The following TBC1D4 variants were observed in gnomAD, a reference collection of about 807,000 sequenced individuals.
TBC1D4 encodes the protein TBC (Tre-2, BUB2, CDC16) domain-containing protein.
A neutral mutation model predicts 142.5 loss-of-function variants in TBC1D4; 121 were observed. The observed-to-expected ratio is 0.85, with a 90% CI of 0.73 to 0.99. The LOEUF is 0.99. TBC1D4 is among the 50% of genes least tolerant of loss of function. TBC1D4 has a pLI of 0.00. For missense variants in TBC1D4, 1,475 were observed against 1,606.6 expected, an observed-to-expected ratio of 0.92 and a Z score of 1.40; for synonymous variants, 630 against 628.2, an observed-to-expected ratio of 1.00 and a Z score of -0.04.
At chr13:75,399,709 C>T (rs4393456) in intron 1 of TBC1D4, among the ~76,000 whole-genome samples, 151,564 of 152,322 alleles carry the variant, frequency 1, 75,410 homozygotes, top group Middle Eastern at 1. Context: ...TAAATATGCA[C>T]CCATAAATTC....
chr13:75,480,897 ACACACACACG>A (rs992605547), intron 1 of TBC1D4, among the ~76,000 whole-genome samples: 4 of 125,692 alleles, frequency 3.2e-5, no homozygotes, highest in African/African-American at 5.0e-5. Context: ...ACACACACAC[ACACACACACG>A]GCAAGCAAGC....
At chr13:75,437,680 A>G (rs192457992) in intron 1 of TBC1D4, among the ~76,000 whole-genome samples, 1 of 152,190 alleles carries the variant, frequency 6.6e-6, no homozygotes, top group East Asian at 1.9e-4. Flanking sequence ...TTGGGACACT[A>G]AGAAGTAGCT....
chr13:75,320,090 A>G, intron 11 of TBC1D4, 53 bp from the exon 12 acceptor site: 1 of 1,600,978 alleles, frequency 6.2e-7, no homozygotes, highest in Non-Finnish European at 8.6e-7. Context: ...ATATGTCCAA[A>G]TCAGGATTCA....
At chr13:75,383,666 C>T (rs1376701178) in intron 1 of TBC1D4, among the ~76,000 whole-genome samples, 2 of 151,940 alleles carry the variant, frequency 1.3e-5, no homozygotes, top group Non-Finnish European at 2.9e-5. Context: ...CTTGCTGGGC[C>T]TATTAAACTT....
intron 1 of TBC1D4, among the ~76,000 whole-genome samples, chr13:75,378,615 A>G (rs1434479383): frequency 6.6e-6 from 1 of 152,156 alleles, no homozygotes; most frequent in Non-Finnish European, 1.5e-5. Flanking sequence ...ATAGCTGTGT[A>G]GGAATGAGGA....
intron 1 of TBC1D4, among the ~76,000 whole-genome samples, chr13:75,399,093 G>A (rs1179081921): frequency 6.6e-6 from 1 of 152,174 alleles, no homozygotes; most frequent in African/African-American, 2.4e-5. Context: ...TGTAATCCCA[G>A]CACTTTGGGA....
intron 1 of TBC1D4, among the ~76,000 whole-genome samples, chr13:75,458,260 C>T (rs527800211): frequency 7.4e-4 from 113 of 152,190 alleles, no homozygotes; most frequent in African/African-American, 2.6e-3. Context: ...CCCTGGAGTT[C>T]GGCTGTCCCC....
chr13:75,341,620 G>A, intron 5 of TBC1D4, 33 bp from the exon 6 acceptor site: 1 of 1,539,672 alleles, frequency 6.5e-7, no homozygotes. Context: ...GTATTAAACA[G>A]AGTCTAGCAG....
chr13:75,404,346 C>T (rs1333708600), intron 1 of TBC1D4, among the ~76,000 whole-genome samples: 12 of 151,876 alleles, frequency 7.9e-5, no homozygotes, highest in Admixed American at 7.9e-4. Context: ...TGTTAACATC[C>T]CTCTTCAGTA....
intron 1 of TBC1D4, among the ~76,000 whole-genome samples, chr13:75,363,608 A>G (rs1566428869): frequency 6.6e-6 from 1 of 150,762 alleles, no homozygotes; most frequent in African/African-American, 2.5e-5. Flanking sequence ...GGTACTTCTT[A>G]CATATATTGA....
At chr13:75,337,951 T>A (rs972666501) in intron 7 of TBC1D4, among the ~76,000 whole-genome samples, 5 of 152,134 alleles carry the variant, frequency 3.3e-5, no homozygotes, top group African/African-American at 1.2e-4. Context: ...ACCTGCCTAA[T>A]AGAAGGGAGC....
At chr13:75,353,042 G>C (rs116730778) in intron 4 of TBC1D4, among the ~76,000 whole-genome samples, 1 of 152,266 alleles carries the variant, frequency 6.6e-6, no homozygotes, top group African/African-American at 2.4e-5. Context: ...AACATGGTTT[G>C]AGAGATCCTA....
Position 75,286,933 on chromosome 13 carries a change from T to G in TBC1D4, c.3756A>C (p.Glu1252Asp), listed in dbSNP as rs753675079. 6.2e-7 allele frequency: 1 copy of G among 1,613,934 alleles called. No individual in the cohort carries two copies. Among genetic ancestry groups the G allele is most frequent in the Admixed American group, 1.7e-5 (1 of 59,948 alleles). The change falls in exon 21 of 21, where the codon GAA becomes GAC. Residue 1252 changes from glutamate to aspartate, a missense_variant. Coordinates refer to ENST00000377636, the MANE Select transcript of TBC1D4 (RefSeq NM_014832.5). ...TKMKSLIRTL[E>D]QEKMAYQKTV... The stretch of plus-strand genomic sequence containing the variant: ...TCTTTTGATAAGCCATTTTTTCTTG[T>G]TCCAGGGTCCGGATTAAAGACTTCA...
intron 14 of TBC1D4, among the ~76,000 whole-genome samples, chr13:75,306,822 C>CAAAG (rs1877236944): frequency 6.6e-6 from 1 of 152,142 alleles, no homozygotes. Context: ...CATGAGAAGA[C>CAAAG]AAAGACTCAT....
At chr13:75,375,033 A>G in intron 1 of TBC1D4, among the ~76,000 whole-genome samples, 1 of 152,240 alleles carries the variant, frequency 6.6e-6, no homozygotes, top group Non-Finnish European at 1.5e-5. Context: ...TGCAACTGGC[A>G]TGTGACCCAA....
At chr13:75,326,874 G>A (rs1275855398) in intron 9 of TBC1D4, among the ~76,000 whole-genome samples, 1 of 152,172 alleles carries the variant, frequency 6.6e-6, no homozygotes, top group Non-Finnish European at 1.5e-5. Context: ...TCAATTGCAT[G>A]CTTCCTGTAC....
intron 18 of TBC1D4, among the ~76,000 whole-genome samples, chr13:75,293,244 T>C (rs1875531437): frequency 6.6e-6 from 1 of 152,218 alleles, no homozygotes; most frequent in Admixed American, 6.5e-5. Flanking sequence ...CTTTAATCAA[T>C]AATATACAAC....
chr13:75,346,548 T>C (rs1251905043), intron 5 of TBC1D4, among the ~76,000 whole-genome samples: 4 of 152,252 alleles, frequency 2.6e-5, no homozygotes, highest in African/African-American at 9.6e-5. Flanking sequence ...AGTCTATCAC[T>C]GATGGGCATT....
intron 1 of TBC1D4, among the ~76,000 whole-genome samples, chr13:75,447,706 C>G (rs1887349860): frequency 6.6e-6 from 1 of 152,076 alleles, no homozygotes; most frequent in South Asian, 2.1e-4. Context: ...TCTGTATGTA[C>G]AGCCACTCCC....
Sources: gnomAD v4.1 joint callset for allele counts (sites outside exome capture counted in the v4.1 genomes callset) on GRCh38, gnomAD v4.1.1 for gene constraint, MANE v1.5 for transcripts, NCBI Gene and HGNC (gene_info 2026-07-23, HGNC 2026-07-21) for gene names.